CD200: variants seen among roughly 807,000 people sequenced by gnomAD.
The protein encoded by CD200 is OX-2 membrane glycoprotein.
Under a neutral mutation model 30.9 loss-of-function variants are expected in CD200, and 15 were observed. The ratio of observed to expected loss-of-function variants is 0.49; its 90% CI spans 0.32 to 0.75. The LOEUF (loss-of-function observed/expected upper bound fraction) is 0.75. Among genes scored for constraint, CD200 ranks in the 30% least tolerant of loss-of-function variants. CD200 has a pLI of 0.03. For missense variants in CD200, 262 were observed against 324.2 expected (o/e 0.81, Z 1.47); for synonymous variants, 134 against 126.2 (o/e 1.06, Z -0.41).
At chr3:112,338,536 A>G (rs1306087173) in intron 1 of CD200, among the ~76,000 whole-genome samples, 2 of 152,164 alleles carry the variant, frequency 1.3e-5, no homozygotes, top group African/African-American at 4.8e-5. Flanking sequence ...GTGACATGAG[A>G]TTGGATAGCA....
chr3:112,353,132 C>T (rs936890125), intron 5 of CD200, among the ~76,000 whole-genome samples: 1 of 152,100 alleles, frequency 6.6e-6, no homozygotes, highest in African/African-American at 2.4e-5. Flanking sequence ...TAAAGTTGTG[C>T]CTTTCACATA....
Position 112,340,474 on chromosome 3 carries a change from C to G in CD200, c.13-428C>G, listed in dbSNP as rs549606366. Reference sequence around the variant, plus strand: ...AAATTCAAGGCAGTCAAATAATGTTCTTGAAAAGTGGTTACCCTCTGAGTT... The same window carrying G: ...AAATTCAAGGCAGTCAAATAATGTTGTTGAAAAGTGGTTACCCTCTGAGTT... On this transcript the variant is annotated intron_variant, in intron 1 of 5. Coordinates refer to ENST00000315711, the MANE Select transcript of CD200 (RefSeq NM_005944.7). Among the ~76,000 whole-genome samples, 148 of 152,298 alleles carry G rather than the reference C, an allele frequency of 9.7e-4. 1 individual carries two copies. The highest frequency in any genetic ancestry group is 3.3e-3 in the African/African-American group (136 of 41,542).
Position 112,347,685 on chromosome 3 carries a change from A to T in CD200, c.549A>T (p.Thr183=). The T allele has an allele frequency of 6.2e-7, 1 of 1,614,070 alleles. No homozygotes were observed. ...KVPRSGIENS[T]VTLSHPNGTT... is the part of the protein sequence containing the mutation. ...CTCGGTCAGGGATTGAAAATAGTAC[A>T]GTGACTCTGTCTCACCCAAATGGGA... Residue 183 remains threonine (T), a synonymous_variant, in exon 4 of 6, where the codon ACA becomes ACT. Transcript: ENST00000315711.
intron 2 of CD200, 29 bp from the exon 3 acceptor site, chr3:112,344,933 A>AAT: frequency 6.7e-7 from 1 of 1,488,318 alleles, no homozygotes; most frequent in Non-Finnish European, 9.2e-7. Context: ...ACAATCTTTA[A>AAT]ATATAAATGT....
At chr3:112,351,958 C>T (rs1332714164) in intron 5 of CD200, among the ~76,000 whole-genome samples, 1 of 152,180 alleles carries the variant, frequency 6.6e-6, no homozygotes, top group African/African-American at 2.4e-5. Flanking sequence ...AGAGAGAGAA[C>T]TCACTCACAC....
chr3:112,346,887 TTAG>T (rs2081408551), intron 3 of CD200, among the ~76,000 whole-genome samples: 1 of 152,228 alleles, frequency 6.6e-6, no homozygotes, highest in Non-Finnish European at 1.5e-5. Context: ...CATGAGCTAG[TTAG>T]TTTTTCTTAA....
At position 112,341,000 on chromosome 3, in the gene CD200, C is replaced by T; in HGVS notation, c.94+17C>T. ...CAGCACAAGGTAAAGAAACTCAATT[C>T]CCCTGCTTGGAGCCCAGCAAACACA... On this transcript the variant is annotated intron_variant, in intron 2 of 5. Transcript: ENST00000315711. 1.9e-6 allele frequency: 3 copies of T among 1,551,618 alleles called. No individual in the cohort carries two copies. The highest frequency in any genetic ancestry group is 2.7e-6 in the Non-Finnish European group (3 of 1,123,822).
intron 1 of CD200, among the ~76,000 whole-genome samples, chr3:112,340,457 G>C (rs1463292673): frequency 6.6e-6 from 1 of 152,116 alleles, no homozygotes; most frequent in Non-Finnish European, 1.5e-5. Context: ...CAAAATTCAA[G>C]GCAGTCAAAT....
At chr3:112,341,635 C>T (rs1261471189) in intron 2 of CD200, among the ~76,000 whole-genome samples, 2 of 152,026 alleles carry the variant, frequency 1.3e-5, no homozygotes, top group Non-Finnish European at 2.9e-5. Context: ...AACTCTGGTC[C>T]ACAACATTCA....
chr3:112,338,576 A>G (rs2081170375), intron 1 of CD200, among the ~76,000 whole-genome samples: 2 of 152,196 alleles, frequency 1.3e-5, no homozygotes, highest in Admixed American at 1.3e-4. Context: ...GCAGGTAGTG[A>G]CAGATGGGGT....
At chr3:112,336,640 A>C (rs1265428743) in intron 1 of CD200, among the ~76,000 whole-genome samples, 3 of 151,238 alleles carry the variant, frequency 2.0e-5, no homozygotes, top group African/African-American at 7.3e-5. Context: ...ATAAGCTTCA[A>C]ATTATAGTAG....
At chr3:112,334,875 T>C (rs2081077826) in intron 1 of CD200, among the ~76,000 whole-genome samples, 1 of 152,190 alleles carries the variant, frequency 6.6e-6, no homozygotes, top group Admixed American at 6.5e-5. Context: ...CAATATATGG[T>C]TTGGTATGTA....
At chr3:112,335,764 T>C in intron 1 of CD200, 2 of 623,872 alleles carry the variant, frequency 3.2e-6, no homozygotes. Flanking sequence ...TTAGAGTGAA[T>C]GCTGAAGAAG....
intron 4 of CD200, among the ~76,000 whole-genome samples, chr3:112,348,798 A>G (rs948695342): frequency 1.3e-5 from 2 of 152,146 alleles, no homozygotes; most frequent in Non-Finnish European, 2.9e-5. Flanking sequence ...TTGGATTTGG[A>G]TATTTGTGAA....
intron 5 of CD200, among the ~76,000 whole-genome samples, chr3:112,353,565 T>C (rs551586255): frequency 3.9e-5 from 6 of 152,322 alleles, no homozygotes; most frequent in African/African-American, 1.2e-4. Flanking sequence ...ATTTCCTGGA[T>C]AACAGCATGT....
At chr3:112,354,057 C>A (rs1258859316) in intron 5 of CD200, among the ~76,000 whole-genome samples, 1 of 152,176 alleles carries the variant, frequency 6.6e-6, no homozygotes, top group Admixed American at 6.5e-5. Flanking sequence ...CATACATAAT[C>A]TTATCACAAA....
Position 112,334,126 on chromosome 3 carries a change from TTG to T in CD200, c.12+904_12+905del, listed in dbSNP as rs1250764502. The T allele has an allele frequency of 3.9e-5, 38 of 985,288 alleles. No homozygotes were observed. The Admixed American group carries it at 1.9e-3, about 49-fold the overall frequency. The allele number at this position is 985,288 out of a possible 1,614,324, so 61.0% of individuals were successfully genotyped here. On this transcript the variant is annotated intron_variant, in intron 1 of 5. Transcript: ENST00000315711. ...GCAAGCTAGATGCTGTTAATCTTCT[TTG>T]TAACTATCCTTCTAAAAATGAATTA...
intron 5 of CD200, among the ~76,000 whole-genome samples, chr3:112,361,085 G>A (rs2108479509): frequency 6.6e-6 from 1 of 152,252 alleles, no homozygotes; most frequent in South Asian, 2.1e-4. Context: ...GCCTGGGGCT[G>A]GAGTGCGGTG....
intron 5 of CD200, among the ~76,000 whole-genome samples, chr3:112,352,376 T>A (rs1403787360): frequency 2.0e-5 from 3 of 152,002 alleles, no homozygotes; most frequent in African/African-American, 7.2e-5. Context: ...GTTGTTTTCA[T>A]CCTTACTTTT....
Sources: allele counts gnomAD v4.1 joint callset (sites outside exome capture counted in the v4.1 genomes callset), GRCh38; gene constraint gnomAD v4.1.1; transcripts MANE v1.5; gene names NCBI Gene and HGNC (gene_info 2026-07-23, HGNC 2026-07-21).